Variants in CLVS1 observed in about 807,000 individuals in gnomAD.
CLVS1 encodes the protein clavesin-1.
In CLVS1, 10 loss-of-function variants were observed where a neutral mutation model predicts 33.1. That is an observed-to-expected ratio of 0.30 (90% CI 0.19 to 0.51). CLVS1 has a LOEUF of 0.51. Among genes scored for constraint, CLVS1 ranks in the 20% least tolerant of loss-of-function variants. CLVS1 has a pLI of 0.97. For missense variants in CLVS1, 343 were observed against 433.4 expected (o/e 0.79, Z 1.85); for synonymous variants, 163 against 166.1 (o/e 0.98, Z 0.14).
At chr8:61,173,070 C>A (rs1358374288) in intron 2 of CLVS1, among the ~76,000 whole-genome samples, 1 of 152,156 alleles carries the variant, frequency 6.6e-6, no homozygotes, top group Non-Finnish European at 1.5e-5. Flanking sequence ...CCTCATGTGT[C>A]AAGTGCGCAT....
At chr8:61,118,196 T>G (rs1805774234) in intron 1 of CLVS1, among the ~76,000 whole-genome samples, 1 of 152,070 alleles carries the variant, frequency 6.6e-6, no homozygotes, top group African/African-American at 2.4e-5. Context: ...GTAGTTGGTA[T>G]TTCTGTGGGA....
chr8:61,057,243 A>G (rs1804489284), intron 1 of CLVS1: 1 of 152,244 alleles, frequency 6.6e-6, no homozygotes, highest in African/African-American at 2.4e-5. Flanking sequence ...AAGTCAACTT[A>G]GCTAACCTCT....
chr8:61,203,102 A>C, intron 2 of CLVS1: 1 of 1,263,086 alleles, frequency 7.9e-7, no homozygotes, highest in South Asian at 1.2e-5. Flanking sequence ...AATGCAAGCA[A>C]GTATAGAAAA....
chr8:61,452,940 G>A (rs759749837), intron 3 of CLVS1, among the ~76,000 whole-genome samples: 1 of 152,084 alleles, frequency 6.6e-6, no homozygotes, highest in Non-Finnish European at 1.5e-5. Flanking sequence ...AGACTCAAAG[G>A]GCTCTGAAAA....
At chr8:61,017,926 C>T in the CLVS1 span, among the ~76,000 whole-genome samples, 3 of 152,314 alleles carry the variant, frequency 2.0e-5, no homozygotes, top group East Asian at 5.8e-4. Context: ...CCTTAGTGAT[C>T]AACTTCACTG....
chr8:61,495,060 C>T lies in CLVS1; in HGVS notation c.978-4395C>T, dbSNP rs57663451. Among the ~76,000 whole-genome samples, 668 of 152,336 alleles carry T rather than the reference C, an allele frequency of 4.4e-3. 3 individuals carry two copies. The highest frequency in any genetic ancestry group is 0.015 in the African/African-American group (637 of 41,582). On this transcript the variant is annotated intron_variant, in intron 5 of 5. Coordinates refer to ENST00000325897, the MANE Select transcript of CLVS1 (RefSeq NM_173519.3). Reference sequence around the variant, plus strand: ...TGGCAGAGTTAAGAGAGCCTGCATTCTGGGTCTGTGCTGCCAGTACATCTA... The same window carrying T: ...TGGCAGAGTTAAGAGAGCCTGCATTTTGGGTCTGTGCTGCCAGTACATCTA...
chr8:61,088,242 A>G, intron 1 of CLVS1, among the ~76,000 whole-genome samples: 1 of 152,190 alleles, frequency 6.6e-6, no homozygotes, highest in East Asian at 1.9e-4. Context: ...TAATCCCAGT[A>G]CTTTGGGAGA....
intron 2 of CLVS1, among the ~76,000 whole-genome samples, chr8:61,192,071 C>T (rs974473384): frequency 1.1e-4 from 17 of 152,174 alleles, no homozygotes; most frequent in Non-Finnish European, 2.9e-5. Context: ...ATTGCCAAGA[C>T]AATCCTAAGC....
intron 2 of CLVS1, among the ~76,000 whole-genome samples, chr8:61,305,479 C>T (rs1246103204): frequency 6.6e-6 from 1 of 152,154 alleles, no homozygotes; most frequent in Non-Finnish European, 1.5e-5. Context: ...CCTTCAGTTC[C>T]ATCCATGTTG....
At chr8:61,261,994 G>GTGTA (rs140249059) in intron 2 of CLVS1, among the ~76,000 whole-genome samples, 2,464 of 134,220 alleles carry the variant, frequency 0.018, 54 homozygotes, top group East Asian at 0.072. Context: ...GTGTGTGTGT[G>GTGTA]TGTGTGTGTG....
chr8:61,050,016 G>T, the CLVS1 span, among the ~76,000 whole-genome samples: 1 of 152,226 alleles, frequency 6.6e-6, no homozygotes, highest in Non-Finnish European at 1.5e-5. Context: ...GGCTGCTATT[G>T]TCTTTAACAC....
At chr8:61,257,591 C>A (rs1774955746) in intron 2 of CLVS1, among the ~76,000 whole-genome samples, 1 of 152,140 alleles carries the variant, frequency 6.6e-6, no homozygotes, top group Non-Finnish European at 1.5e-5. Flanking sequence ...CCAGTAAGAT[C>A]TGTAACCACG....
At chr8:61,206,834 G>T (rs1442464315) in intron 2 of CLVS1, among the ~76,000 whole-genome samples, 1 of 152,058 alleles carries the variant, frequency 6.6e-6, no homozygotes, top group African/African-American at 2.4e-5. Flanking sequence ...TGATCCACCC[G>T]CCTCGGCCTC....
At chr8:60,972,296 C>A in the CLVS1 span, among the ~76,000 whole-genome samples, 18 of 152,282 alleles carry the variant, frequency 1.2e-4, no homozygotes, top group African/African-American at 4.1e-4. Flanking sequence ...TCCATCTTGC[C>A]TTTAACCTCC....
At chr8:61,240,276 C>T (rs1045272533) in intron 2 of CLVS1, among the ~76,000 whole-genome samples, 6 of 152,182 alleles carry the variant, frequency 3.9e-5, no homozygotes, top group African/African-American at 7.2e-5. Flanking sequence ...CGTTCTCCCC[C>T]GTGCTCTCTG....
chr8:61,434,584 C>A, intron 3 of CLVS1, among the ~76,000 whole-genome samples: 1 of 152,134 alleles, frequency 6.6e-6, no homozygotes, highest in South Asian at 2.1e-4. Context: ...CTCAGAAAAG[C>A]GGGACAACTC....
exon 2 of CLVS1, chr8:61,131,788 G>A (rs944965280): frequency 3.3e-5 from 5 of 152,016 alleles, no homozygotes; most frequent in African/African-American, 1.2e-4. Flanking sequence ...CAAGGGAATG[G>A]AAGATGAGGA....
intron 2 of CLVS1, among the ~76,000 whole-genome samples, chr8:61,166,517 T>G (rs900675034): frequency 6.7e-6 from 1 of 148,584 alleles, no homozygotes; most frequent in Middle Eastern, 3.4e-3. Flanking sequence ...AATTTTAAAT[T>G]TCTGTTTATA....
At chr8:61,169,753 A>G (rs191753555) in intron 2 of CLVS1, among the ~76,000 whole-genome samples, 73 of 152,024 alleles carry the variant, frequency 4.8e-4, no homozygotes, top group Middle Eastern at 3.4e-3. Context: ...TTTAAGCCTC[A>G]ACCATCTGGG....
Sources: gnomAD v4.1 joint callset for allele counts (sites outside exome capture counted in the v4.1 genomes callset) on GRCh38, gnomAD v4.1.1 for gene constraint, MANE v1.5 for transcripts, NCBI Gene and HGNC (gene_info 2026-07-23, HGNC 2026-07-21) for gene names.